JAZF1: variants seen among roughly 807,000 people sequenced by gnomAD.
JAZF1 encodes the protein juxtaposed with another zinc finger protein 1.
Under a neutral mutation model 26.4 loss-of-function variants are expected in JAZF1, and 8 were observed. The ratio of observed to expected loss-of-function variants is 0.30; its 90% CI spans 0.18 to 0.55. JAZF1 has a LOEUF of 0.55. JAZF1 is among the 20% of genes least tolerant of loss of function. The pLI is 0.94. For synonymous variants in JAZF1, 126 were observed against 122.3 expected (o/e 1.03, Z -0.20); for missense variants, 199 against 322.0 (o/e 0.62, Z 2.92).
At chr7:28,140,991 T>C (rs1191448562) in intron 1 of JAZF1, among the ~76,000 whole-genome samples, 9 of 152,228 alleles carry the variant, frequency 5.9e-5, no homozygotes, top group Admixed American at 2.6e-4. Context: ...GAAAGAACTT[T>C]ACAGCTGTGA....
chr7:27,929,270 C>T (rs533773234), intron 2 of JAZF1, among the ~76,000 whole-genome samples: 12 of 152,254 alleles, frequency 7.9e-5, no homozygotes, highest in African/African-American at 1.9e-4. Context: ...AGCATTGCCC[C>T]GTGGCCTGTG....
chr7:28,167,908 T>C (rs961191252), intron 1 of JAZF1, among the ~76,000 whole-genome samples: 1 of 152,218 alleles, frequency 6.6e-6, no homozygotes, highest in Non-Finnish European at 1.5e-5. Flanking sequence ...GTAGTTCAGA[T>C]AGCTTCTTTG....
chr7:28,040,393 C>A (rs1342389322), intron 1 of JAZF1, among the ~76,000 whole-genome samples: 1 of 152,058 alleles, frequency 6.6e-6, no homozygotes, highest in Non-Finnish European at 1.5e-5. Context: ...AAGAAAATAT[C>A]GAAGAGAGAT....
chr7:28,006,370 AAAAAAAC>A (rs1782700482), intron 1 of JAZF1, among the ~76,000 whole-genome samples: 1 of 152,190 alleles, frequency 6.6e-6, no homozygotes, highest in East Asian at 1.9e-4. Context: ...CTGTGTCTCA[AAAAAAAC>A]AAAAAACAAA....
At chr7:27,920,436 T>C (rs1265638858) in intron 2 of JAZF1, among the ~76,000 whole-genome samples, 5 of 152,232 alleles carry the variant, frequency 3.3e-5, no homozygotes, top group Non-Finnish European at 7.3e-5. Context: ...ATTCCATAAC[T>C]GAACTGTGTA....
intron 1 of JAZF1, among the ~76,000 whole-genome samples, chr7:28,006,949 T>C (rs977858533): frequency 1.3e-5 from 2 of 152,196 alleles, no homozygotes; most frequent in Non-Finnish European, 2.9e-5. Flanking sequence ...ATGTAACTAT[T>C]AGCATAAAAC....
rs1784635463 is a variant in JAZF1, at chr7:28,110,521, A to AAAGGGAAAGGG, written c.115+69941_115+69942insCCCTTTCCCTT. On this transcript the variant is annotated intron_variant, in intron 1 of 4. Transcript: ENST00000283928. ...AGGAAAGGAAAAGGAAAGGAAAAGG[A>AAAGGGAAAGGG]AAAGGAAAAGGAAAGGAAAAGGAAA... is the stretch of plus-strand genomic sequence containing the variant. Among the ~76,000 whole-genome samples the AAAGGGAAAGGG allele has an allele frequency of 2.0e-4, 12 of 60,236 alleles. 1 individual carries two copies. The highest frequency in any genetic ancestry group is 6.4e-4 in the South Asian group (1 of 1,552). The allele number at this position is 60,236 out of a possible 152,430, so 39.5% of individuals were successfully genotyped here.
At chr7:28,094,817 G>A (rs1024776966) in intron 1 of JAZF1, among the ~76,000 whole-genome samples, 4 of 152,056 alleles carry the variant, frequency 2.6e-5, no homozygotes, top group Non-Finnish European at 5.9e-5. Flanking sequence ...AGGGGACCAA[G>A]GGCCGAGCTG....
At chr7:27,846,718 C>T (rs963117254) in intron 3 of JAZF1, among the ~76,000 whole-genome samples, 3 of 152,242 alleles carry the variant, frequency 2.0e-5, no homozygotes, top group Admixed American at 6.5e-5. Flanking sequence ...GTGATGCGCA[C>T]CTTTTCATAT....
chr7:28,031,061 C>T (rs368202233), intron 1 of JAZF1, among the ~76,000 whole-genome samples: 8 of 152,276 alleles, frequency 5.3e-5, no homozygotes, highest in South Asian at 4.1e-4. Context: ...TTGCTATACA[C>T]GAAGCATATT....
At chr7:27,927,970 T>C (rs1191786512) in intron 2 of JAZF1, among the ~76,000 whole-genome samples, 1 of 152,196 alleles carries the variant, frequency 6.6e-6, no homozygotes, top group Admixed American at 6.6e-5. Flanking sequence ...AAGGCCCACA[T>C]GCAACATGAG....
At chr7:28,176,508 C>T (rs954846911) in intron 1 of JAZF1, among the ~76,000 whole-genome samples, 5 of 152,172 alleles carry the variant, frequency 3.3e-5, no homozygotes, top group Admixed American at 6.5e-5. Context: ...CCCAACCCTC[C>T]GGACCCTGAT....
At position 28,069,664 on chromosome 7, in the gene JAZF1, A is replaced by AG. The variant is rs200038273; in HGVS notation, c.116-77684dup. ...AACTTGGAACATACATAATGACCTA[A>AG]GGGGGGAGAAAACTAATCTCCAACC... is the stretch of plus-strand genomic sequence containing the variant. On this transcript the variant is annotated intron_variant, in intron 1 of 4. Transcript: ENST00000283928. 9.9e-5 allele frequency among the ~76,000 whole-genome samples: 15 copies of AG among 152,250 alleles called. No homozygotes were observed. In the East Asian group the frequency reaches 2.5e-3, roughly 26 times the overall value.
intron 1 of JAZF1, among the ~76,000 whole-genome samples, chr7:28,110,804 C>T (rs996128671): frequency 6.6e-6 from 1 of 152,150 alleles, no homozygotes; most frequent in Non-Finnish European, 1.5e-5. Flanking sequence ...GCCCACATGG[C>T]TGGCCACAGG....
chr7:27,934,300 A>G (rs1223835570), intron 2 of JAZF1, among the ~76,000 whole-genome samples: 1 of 152,220 alleles, frequency 6.6e-6, no homozygotes, highest in Non-Finnish European at 1.5e-5. Context: ...GCTTTTCTCT[A>G]GTAAATTACG....
At chr7:27,956,722 G>C (rs1002658067) in intron 2 of JAZF1, among the ~76,000 whole-genome samples, 1 of 152,146 alleles carries the variant, frequency 6.6e-6, no homozygotes, top group African/African-American at 2.4e-5. Context: ...AGGAGGATGG[G>C]GTGAAAATGC....
intron 1 of JAZF1, among the ~76,000 whole-genome samples, chr7:28,086,270 C>A (rs1422915653): frequency 6.6e-6 from 1 of 152,174 alleles, no homozygotes; most frequent in Non-Finnish European, 1.5e-5. Context: ...AGGTTGAAGG[C>A]AATTAGAGCA....
chr7:28,133,628 T>C (rs531888932), intron 1 of JAZF1, among the ~76,000 whole-genome samples: 16 of 152,134 alleles, frequency 1.1e-4, no homozygotes, highest in Non-Finnish European at 1.8e-4. Flanking sequence ...TTTTGTGCAC[T>C]AGTGTAGGAA....
intron 2 of JAZF1, among the ~76,000 whole-genome samples, chr7:27,958,101 C>A (rs1332317356): frequency 6.6e-6 from 1 of 152,160 alleles, no homozygotes; most frequent in African/African-American, 2.4e-5. Context: ...TTTACTCATA[C>A]ATTTCTTACT....
Sources: gnomAD v4.1 joint callset for allele counts (sites outside exome capture counted in the v4.1 genomes callset) on GRCh38, gnomAD v4.1.1 for gene constraint, MANE v1.5 for transcripts, NCBI Gene and HGNC (gene_info 2026-07-23, HGNC 2026-07-21) for gene names.